NAV2: variants seen among roughly 807,000 people sequenced by gnomAD.
The protein encoded by NAV2 is neuron navigator 2.
NAV2 carries 54 observed loss-of-function variants against 223.2 expected under a neutral mutation model. The observed-to-expected ratio is 0.24, with a 90% CI of 0.19 to 0.30. The LOEUF (loss-of-function observed/expected upper bound fraction) is 0.30. Ranked by LOEUF, NAV2 falls within the 10% of genes least tolerant of loss-of-function variation. The pLI is 1.00. For synonymous variants in NAV2, 1,279 were observed against 1,239.3 expected, an observed-to-expected ratio of 1.03 and a Z score of -0.67; for missense variants, 2,806 against 3,147.5, an observed-to-expected ratio of 0.89 and a Z score of 2.60.
chr11:19,352,227 G>C (rs1853370044), intron 1 of NAV2, among the ~76,000 whole-genome samples: 1 of 152,120 alleles, frequency 6.6e-6, no homozygotes, highest in South Asian at 2.1e-4. Context: ...TACTAGACCT[G>C]TCTACTCCTA....
At chr11:19,923,389 C>CA (rs148743875) in intron 6 of NAV2, among the ~76,000 whole-genome samples, 29,376 of 149,786 alleles carry the variant, frequency 0.2, 3,232 homozygotes, top group East Asian at 0.4. Flanking sequence ...GTCCTGTAGA[C>CA]AAAAAAAAAA....
At chr11:19,484,202 G>A (rs1465621923) in intron 1 of NAV2, among the ~76,000 whole-genome samples, 1 of 151,626 alleles carries the variant, frequency 6.6e-6, no homozygotes, top group Non-Finnish European at 1.5e-5. Context: ...GAATGAGTAT[G>A]TTAATTAAAG....
chr11:19,465,990 T>G lies in NAV2; in HGVS notation c.75+114963T>G, dbSNP rs116317252. Among the ~76,000 whole-genome samples, 365 of 152,288 alleles carry G rather than the reference T, an allele frequency of 2.4e-3. 1 individual carries two copies. Among genetic ancestry groups the G allele is most frequent in the African/African-American group, 8.4e-3 (351 of 41,566 alleles). ...CACAAAGTGTGACACTTTCTAGAGA[T>G]GTAGGGGTCTAGAAATATACATGAA... On this transcript the variant is annotated intron_variant, in intron 1 of 37. Transcript: ENST00000360655.
At chr11:19,969,083 G>A (rs1277782513) in intron 10 of NAV2, among the ~76,000 whole-genome samples, 1 of 152,200 alleles carries the variant, frequency 6.6e-6, no homozygotes, top group Non-Finnish European at 1.5e-5. Flanking sequence ...TCCCTCTTGT[G>A]AACACACCTG....
intron 1 of NAV2, among the ~76,000 whole-genome samples, chr11:19,374,302 C>T (rs1053309336): frequency 9.2e-5 from 13 of 141,324 alleles, no homozygotes; most frequent in African/African-American, 2.9e-4. Flanking sequence ...AGAATTTTTC[C>T]GAAAAGGTTT....
rs1396350861 is a variant in NAV2, at chr11:19,534,603, T to G, written c.75+183576T>G. On this transcript the variant is annotated intron_variant, in intron 1 of 37. Transcript: ENST00000360655. ...GAGGAAAGGAGGATCACACAGTATC[T>G]GCAGATGCAAGAAGATACAGGGGAT... Among the ~76,000 whole-genome samples the G allele has an allele frequency of 2.6e-5, 4 of 152,340 alleles. No homozygotes were observed. In the East Asian group the frequency reaches 5.8e-4, roughly 22 times the overall value.
At chr11:19,373,475 G>A (rs186705936) in intron 1 of NAV2, among the ~76,000 whole-genome samples, 20 of 152,114 alleles carry the variant, frequency 1.3e-4, no homozygotes, top group African/African-American at 4.8e-4. Flanking sequence ...TTTCTCTCTG[G>A]CTGGAAAAGA....
Position 19,715,727 on chromosome 11 carries a change from G to A in NAV2, c.267+1765G>A, listed in dbSNP as rs75970760. Among the ~76,000 whole-genome samples, 482 of 152,308 alleles carry A rather than the reference G, an allele frequency of 3.2e-3. 15 individuals carry two copies. In the East Asian group the frequency reaches 0.056, roughly 18 times the overall value. ...ATGTTCTTCAGCTTCTCTCTGAGGG[G>A]CTGGAACAGTCCACTTCCCTCAAGA... On this transcript the variant is annotated intron_variant, in intron 1 of 37. Coordinates refer to ENST00000349880, the MANE Select transcript of NAV2 (RefSeq NM_145117.5).
chr11:20,048,674 C>T (rs767187394), intron 14 of NAV2, 54 bp from the exon 15 acceptor site: 28 of 1,472,506 alleles, frequency 1.9e-5, no homozygotes, highest in South Asian at 6.0e-5. Context: ...TTTAACAGTC[C>T]GGTGCCCCTT....
intron 1 of NAV2, among the ~76,000 whole-genome samples, chr11:19,581,833 A>C (rs1229879396): frequency 6.6e-6 from 1 of 152,162 alleles, no homozygotes; most frequent in African/African-American, 2.4e-5. Context: ...CATGGTGTGC[A>C]TGTGTCTTTA....
intron 1 of NAV2, among the ~76,000 whole-genome samples, chr11:19,521,785 A>G (rs1356312665): frequency 6.6e-6 from 1 of 152,192 alleles, no homozygotes; most frequent in Non-Finnish European, 1.5e-5. Flanking sequence ...GTAACGTGCC[A>G]ACGGTCGCTC....
intron 11 of NAV2, among the ~76,000 whole-genome samples, chr11:20,008,922 T>A (rs1439043333): frequency 1.3e-5 from 2 of 152,198 alleles, no homozygotes; most frequent in Non-Finnish European, 2.9e-5. Flanking sequence ...TCGACTGCTG[T>A]ATTGTTGCTG....
chr11:19,534,088 GCTC>G lies in NAV2; in HGVS notation c.75+183065_75+183067del, dbSNP rs541914045. ...CTTGTCACCCCATGCCACCCTTGTG[GCTC>G]CTCTTCATTTGGGTCTCCATTTTTA... On this transcript the variant is annotated intron_variant, in intron 1 of 37. Coordinates refer to the NAV2 transcript ENST00000360655. Among the ~76,000 whole-genome samples, 5 of 152,278 alleles carry G rather than the reference GCTC, an allele frequency of 3.3e-5. No individual in the cohort carries two copies. The South Asian group carries it at 1.0e-3, about 32-fold the overall frequency.
intron 1 of NAV2, among the ~76,000 whole-genome samples, chr11:19,715,673 G>T (rs1034709574): frequency 5.3e-5 from 8 of 152,148 alleles, no homozygotes; most frequent in African/African-American, 1.7e-4. Flanking sequence ...CTCTGGAAAG[G>T]TGATTCATCA....
chr11:19,952,826 T>C (rs2047508524), intron 10 of NAV2, among the ~76,000 whole-genome samples: 1 of 152,204 alleles, frequency 6.6e-6, no homozygotes, highest in Admixed American at 6.5e-5. Flanking sequence ...ACCATGTAGT[T>C]TAGCTAAGAA....
chr11:19,395,879 C>T (rs1849427384), intron 1 of NAV2, among the ~76,000 whole-genome samples: 1 of 152,194 alleles, frequency 6.6e-6, no homozygotes, highest in Admixed American at 6.5e-5. Context: ...ATTACCAGAG[C>T]TATCAAAAAG....
At chr11:19,519,213 A>C (rs1172946722) in intron 1 of NAV2, among the ~76,000 whole-genome samples, 3 of 152,174 alleles carry the variant, frequency 2.0e-5, no homozygotes, top group Non-Finnish European at 2.9e-5. Flanking sequence ...ATCTTTGTGG[A>C]ACACCTGCCT....
intron 11 of NAV2, among the ~76,000 whole-genome samples, chr11:20,025,786 C>T (rs78991531): frequency 0.065 from 9,898 of 152,278 alleles, 385 homozygotes; most frequent in African/African-American, 0.076. Context: ...TGCTTCTCCC[C>T]TAGGACACTA....
chr11:19,820,615 G>C (rs1269322343), intron 1 of NAV2, among the ~76,000 whole-genome samples: 3 of 152,232 alleles, frequency 2.0e-5, no homozygotes, highest in East Asian at 3.9e-4. Flanking sequence ...TGGTAGCCGT[G>C]AGGCTGGTCA....
Sources: gnomAD v4.1 joint callset for allele counts (sites outside exome capture counted in the v4.1 genomes callset) on GRCh38, gnomAD v4.1.1 for gene constraint, MANE v1.5 for transcripts, NCBI Gene and HGNC (gene_info 2026-07-23, HGNC 2026-07-21) for gene names.